The following VTI1A variants were observed in gnomAD, a reference collection of about 807,000 sequenced individuals.
The protein encoded by VTI1A is vesicle transport through interaction with t-SNAREs 1A.
Under a neutral mutation model 34.9 loss-of-function variants are expected in VTI1A, and 22 were observed. That is an observed-to-expected ratio of 0.63 (90% CI 0.45 to 0.90). The LOEUF is 0.90. Ranked by LOEUF, VTI1A falls within the 40% of genes least tolerant of loss-of-function variation. The pLI, the probability that VTI1A is intolerant of heterozygous loss-of-function variation, is 0.00. For synonymous variants in VTI1A, 87 were observed against 97.3 expected, an observed-to-expected ratio of 0.89 and a Z score of 0.62; for missense variants, 268 against 275.6, an observed-to-expected ratio of 0.97 and a Z score of 0.20.
At chr10:112,666,163 C>T (rs1209333929) in intron 5 of VTI1A, among the ~76,000 whole-genome samples, 2 of 152,268 alleles carry the variant, frequency 1.3e-5, no homozygotes, top group African/African-American at 4.8e-5. Flanking sequence ...TCATCTTCCA[C>T]TGCTGTGATG....
chr10:112,776,491 G>C (rs1336926506), intron 7 of VTI1A, among the ~76,000 whole-genome samples: 1 of 152,088 alleles, frequency 6.6e-6, no homozygotes, highest in Non-Finnish European at 1.5e-5. Flanking sequence ...TGAGCAGAGA[G>C]ATTATCTCAC....
chr10:112,736,105 G>T (rs1190378332), intron 7 of VTI1A, among the ~76,000 whole-genome samples: 2 of 90,302 alleles, frequency 2.2e-5, no homozygotes, highest in Non-Finnish European at 2.0e-5. Flanking sequence ...ATATATATGT[G>T]TGTGTGTATA....
At chr10:112,834,474 C>G in the VTI1A span, among the ~76,000 whole-genome samples, 1 of 152,188 alleles carries the variant, frequency 6.6e-6, no homozygotes, top group Non-Finnish European at 1.5e-5. Context: ...CCCTAACCCC[C>G]TACCAACCTG....
chr10:112,830,847 A>ATTTTTTTTTTTTTTT, the VTI1A span, among the ~76,000 whole-genome samples: 1 of 31,002 alleles, frequency 3.2e-5, no homozygotes, highest in African/African-American at 1.8e-4. Flanking sequence ...ATATATATAT[A>ATTTTTTTTTTTTTTT]TATTTTTTTT....
At chr10:112,762,718 G>A (rs909254367) in intron 7 of VTI1A, among the ~76,000 whole-genome samples, 5 of 152,082 alleles carry the variant, frequency 3.3e-5, no homozygotes, top group African/African-American at 1.2e-4. Flanking sequence ...GAGAGTTGTT[G>A]AATATGAGGC....
intron 2 of VTI1A, 29 bp from the exon 3 acceptor site, chr10:112,464,518 T>C: frequency 1.3e-6 from 2 of 1,575,112 alleles, no homozygotes; most frequent in South Asian, 1.1e-5. Flanking sequence ...CAGTGTGTTT[T>C]AAATCACATT....
intron 7 of VTI1A, among the ~76,000 whole-genome samples, chr10:112,707,597 G>T (rs573940898): frequency 7.6e-4 from 115 of 152,272 alleles, no homozygotes; most frequent in African/African-American, 2.6e-3. Flanking sequence ...CTCCCAAAGT[G>T]CTGGGATTAC....
At chr10:112,709,844 C>T (rs1437375241) in intron 7 of VTI1A, among the ~76,000 whole-genome samples, 1 of 150,096 alleles carries the variant, frequency 6.7e-6, no homozygotes, top group Non-Finnish European at 1.5e-5. Context: ...GCAGGCACCA[C>T]CAAGCCTGGC....
At chr10:112,506,300 T>C (rs1275251129) in intron 3 of VTI1A, among the ~76,000 whole-genome samples, 1 of 152,196 alleles carries the variant, frequency 6.6e-6, no homozygotes, top group East Asian at 1.9e-4. Context: ...CCTTCGTATA[T>C]GTGGTTCATC....
chr10:112,527,059 C>T, intron 3 of VTI1A, 28 bp from the exon 4 acceptor site: 1 of 1,608,556 alleles, frequency 6.2e-7, no homozygotes, highest in Non-Finnish European at 8.5e-7. Context: ...GTTCCTCTCA[C>T]TCTCTCCCTT....
At chr10:112,751,258 G>T (rs767003168) in intron 7 of VTI1A, among the ~76,000 whole-genome samples, 19 of 152,100 alleles carry the variant, frequency 1.2e-4, no homozygotes, top group Non-Finnish European at 2.5e-4. Flanking sequence ...TTGAAGAAAG[G>T]TTTGCTGGGA....
At chr10:112,616,864 CAG>C (rs1456112550) in intron 5 of VTI1A, among the ~76,000 whole-genome samples, 1 of 151,982 alleles carries the variant, frequency 6.6e-6, no homozygotes, top group African/African-American at 2.4e-5. Context: ...CAGAATGCAA[CAG>C]AGAGAGAAAA....
At chr10:112,830,849 A>ATTTTTTTTTTTTTTTTTTTT in the VTI1A span, among the ~76,000 whole-genome samples, 1 of 33,512 alleles carries the variant, frequency 3.0e-5, no homozygotes, top group Non-Finnish European at 4.9e-5. Flanking sequence ...ATATATATAT[A>ATTTTTTTTTTTTTTTTTTTT]TTTTTTTTTT....
At chr10:112,452,870 A>T (rs559131746) in intron 1 of VTI1A, among the ~76,000 whole-genome samples, 16 of 152,188 alleles carry the variant, frequency 1.1e-4, no homozygotes, top group African/African-American at 3.9e-4. Flanking sequence ...TTAATATGGT[A>T]CATTTGTTAC....
intron 7 of VTI1A, among the ~76,000 whole-genome samples, chr10:112,783,356 A>G (rs1221181002): frequency 6.6e-6 from 1 of 151,732 alleles, no homozygotes; most frequent in African/African-American, 2.4e-5. Flanking sequence ...CAGCTGTTCA[A>G]GGGCTAAAAA....
At chr10:112,793,121 T>G (rs922653726) in intron 7 of VTI1A, among the ~76,000 whole-genome samples, 2 of 152,212 alleles carry the variant, frequency 1.3e-5, no homozygotes, top group African/African-American at 4.8e-5. Context: ...CAGTGTTATT[T>G]GATATAAAGT....
At chr10:112,574,516 C>T (rs1306135788) in intron 5 of VTI1A, among the ~76,000 whole-genome samples, 1 of 152,220 alleles carries the variant, frequency 6.6e-6, no homozygotes. Context: ...ATCAAATAGA[C>T]CTGGATTTAA....
chr10:112,476,228 C>T (rs1224434096), intron 3 of VTI1A, among the ~76,000 whole-genome samples: 1 of 152,102 alleles, frequency 6.6e-6, no homozygotes, highest in Non-Finnish European at 1.5e-5. Context: ...TTAGTGGTTG[C>T]TTACAGACTG....
At chr10:112,635,665 G>A (rs1235834812) in intron 5 of VTI1A, among the ~76,000 whole-genome samples, 1 of 152,104 alleles carries the variant, frequency 6.6e-6, no homozygotes, top group Non-Finnish European at 1.5e-5. Context: ...TACAACAGTA[G>A]GAATGGAAAA....
Sources: gnomAD v4.1 joint callset for allele counts (sites outside exome capture counted in the v4.1 genomes callset) on GRCh38, gnomAD v4.1.1 for gene constraint, MANE v1.5 for transcripts, NCBI Gene and HGNC (gene_info 2026-07-23, HGNC 2026-07-21) for gene names.